B3GALT1: variants seen among roughly 807,000 people sequenced by gnomAD.
B3GALT1 encodes the protein beta-1,3-galactosyltransferase 1, also known as UDP-Gal:betaGlcNAc beta 1,3-galactosyltransferase, polypeptide 1.
In B3GALT1, 10 loss-of-function variants were observed where a neutral mutation model predicts 23.2. That is an observed-to-expected ratio of 0.43 (90% CI 0.27 to 0.73). The LOEUF is 0.73. B3GALT1 is among the 30% of genes least tolerant of loss of function. B3GALT1 has a pLI of 0.21. For missense variants in B3GALT1, 299 were observed against 405.4 expected (o/e 0.74, Z 2.25); for synonymous variants, 156 against 141.5 (o/e 1.10, Z -0.73).
intron 1 of B3GALT1, among the ~76,000 whole-genome samples, chr2:167,429,146 T>C (rs1297797282): frequency 1.3e-5 from 2 of 151,878 alleles, no homozygotes; most frequent in African/African-American, 4.8e-5. Flanking sequence ...CCGGGCATGG[T>C]GGCGGGCACC....
chr2:167,715,707 C>T, intron 3 of B3GALT1: 1 of 1,613,244 alleles, frequency 6.2e-7, no homozygotes, highest in Non-Finnish European at 8.5e-7. Context: ...TCTGCTGCCG[C>T]CTTCTCAAAG....
chr2:167,863,866 T>G (rs755724446), intron 4 of B3GALT1, among the ~76,000 whole-genome samples: 5 of 152,204 alleles, frequency 3.3e-5, no homozygotes, highest in Non-Finnish European at 7.3e-5. Flanking sequence ...GAGGATTTAC[T>G]AGATTCTAAC....
chr2:167,841,317 G>T (rs2105399897), intron 4 of B3GALT1, among the ~76,000 whole-genome samples: 1 of 151,860 alleles, frequency 6.6e-6, no homozygotes, highest in Non-Finnish European at 1.5e-5. Context: ...AGCACAACAT[G>T]CTTAGCCTTA....
At chr2:167,614,485 TTAG>T (rs1474875418) in intron 2 of B3GALT1, among the ~76,000 whole-genome samples, 1 of 151,882 alleles carries the variant, frequency 6.6e-6, no homozygotes, top group Non-Finnish European at 1.5e-5. Flanking sequence ...TGTGAACATC[TTAG>T]TAGAATTTTG....
chr2:167,372,717 AATAATTT>A (rs1456165956), intron 1 of B3GALT1, among the ~76,000 whole-genome samples: 6 of 152,096 alleles, frequency 3.9e-5, no homozygotes, highest in African/African-American at 1.4e-4. Flanking sequence ...AATTTGAAGA[AATAATTT>A]ATAATAATAT....
chr2:167,853,481 T>G (rs1232857894), intron 4 of B3GALT1, among the ~76,000 whole-genome samples: 2 of 152,186 alleles, frequency 1.3e-5, no homozygotes, highest in Non-Finnish European at 2.9e-5. Flanking sequence ...TCATGATTCC[T>G]TATTTTTTCC....
chr2:167,431,630 A>G (rs910998076), intron 1 of B3GALT1, among the ~76,000 whole-genome samples: 2 of 152,204 alleles, frequency 1.3e-5, no homozygotes, highest in African/African-American at 2.4e-5. Flanking sequence ...GGATATTAAA[A>G]ATATAAAATT....
chr2:167,681,141 A>T (rs933586965), intron 3 of B3GALT1, among the ~76,000 whole-genome samples: 3 of 152,160 alleles, frequency 2.0e-5, no homozygotes, highest in Non-Finnish European at 4.4e-5. Flanking sequence ...GCTCATGTCA[A>T]CCGCGCTGCA....
chr2:167,587,852 A>T (rs1030675830), intron 2 of B3GALT1, among the ~76,000 whole-genome samples: 1 of 152,230 alleles, frequency 6.6e-6, no homozygotes, highest in African/African-American at 2.4e-5. Flanking sequence ...AAAAAATATT[A>T]TACAACCTTT....
At position 167,811,257 on chromosome 2, in the gene B3GALT1, C is replaced by G. The variant is rs562573639; in HGVS notation, c.-351-7415C>G. On this transcript the variant is annotated intron_variant, in intron 3 of 4. Transcript: ENST00000392690. ...TACAGGCTTTACCTATCTTTGTTTT[C>G]CAATCAAAGGACTTGTGTTTTTGAG... 6.6e-5 allele frequency among the ~76,000 whole-genome samples: 10 copies of G among 152,286 alleles called. No individual in the cohort carries two copies. The East Asian group carries it at 1.9e-3, about 29-fold the overall frequency.
At chr2:167,351,750 T>A (rs1275653413) in intron 1 of B3GALT1, among the ~76,000 whole-genome samples, 5 of 152,178 alleles carry the variant, frequency 3.3e-5, no homozygotes, top group African/African-American at 1.2e-4. Context: ...TTTCTTTCTC[T>A]CTTACTTTTC....
At position 167,691,263 on chromosome 2, in the gene B3GALT1, A is replaced by G. The variant is rs117017333; in HGVS notation, c.-352+44297A>G. Among the ~76,000 whole-genome samples the G allele has an allele frequency of 7.9e-5, 12 of 152,210 alleles. No individual in the cohort carries two copies. In the East Asian group the frequency reaches 1.9e-3, roughly 25 times the overall value. On this transcript the variant is annotated intron_variant, in intron 3 of 4. Transcript: ENST00000392690. Reference sequence around the variant, plus strand: ...GCATATGACCTTTGCTTCAAAGTGTATTTAATTTAAACTGGCTTCAAATGG... The same window carrying G: ...GCATATGACCTTTGCTTCAAAGTGTGTTTAATTTAAACTGGCTTCAAATGG...
At chr2:167,478,225 C>T (rs1216873171) in intron 1 of B3GALT1, among the ~76,000 whole-genome samples, 1 of 152,176 alleles carries the variant, frequency 6.6e-6, no homozygotes, top group Non-Finnish European at 1.5e-5. Flanking sequence ...TCCCTTCAAC[C>T]TTCATTCACT....
intron 1 of B3GALT1, among the ~76,000 whole-genome samples, chr2:167,299,039 A>G (rs1696404110): frequency 6.6e-6 from 1 of 152,200 alleles, no homozygotes; most frequent in South Asian, 2.1e-4. Flanking sequence ...GTTTGAAGAG[A>G]CATATCATTC....
chr2:167,293,706 A>T (rs1447048039), intron 1 of B3GALT1, among the ~76,000 whole-genome samples: 4 of 152,192 alleles, frequency 2.6e-5, no homozygotes, highest in South Asian at 2.1e-4. Context: ...CGGGAGGTAG[A>T]ACGCACGGAG....
At chr2:167,701,146 G>T (rs928632534) in intron 3 of B3GALT1, among the ~76,000 whole-genome samples, 1 of 152,166 alleles carries the variant, frequency 6.6e-6, no homozygotes, top group African/African-American at 2.4e-5. Flanking sequence ...CAGCAGCTTG[G>T]CAAGACCTCA....
intron 3 of B3GALT1, among the ~76,000 whole-genome samples, chr2:167,764,624 A>G (rs905982394): frequency 6.6e-6 from 1 of 152,214 alleles, no homozygotes; most frequent in Admixed American, 6.5e-5. Context: ...TTTTATAATT[A>G]TATTTCTAGA....
At chr2:167,441,420 T>G (rs1202643413) in intron 1 of B3GALT1, among the ~76,000 whole-genome samples, 5 of 152,190 alleles carry the variant, frequency 3.3e-5, no homozygotes, top group Admixed American at 2.6e-4. Flanking sequence ...TCTCCCAGTC[T>G]CTGCTGCCTC....
intron 1 of B3GALT1, among the ~76,000 whole-genome samples, chr2:167,460,908 A>G (rs1033705609): frequency 2.0e-5 from 3 of 152,112 alleles, no homozygotes; most frequent in African/African-American, 7.2e-5. Flanking sequence ...ATTGCTTTCT[A>G]ATTTTCCCTA....
Sources: gnomAD v4.1 joint callset for allele counts (sites outside exome capture counted in the v4.1 genomes callset) on GRCh38, gnomAD v4.1.1 for gene constraint, MANE v1.5 for transcripts, NCBI Gene and HGNC (gene_info 2026-07-23, HGNC 2026-07-21) for gene names.